Variants in RPTOR observed in about 807,000 individuals in gnomAD.
RPTOR encodes regulatory-associated protein of mTOR.
RPTOR carries 21 observed loss-of-function variants against 169.9 expected under a neutral mutation model. The observed-to-expected ratio is 0.12, with a 90% CI of 0.09 to 0.18. RPTOR has a LOEUF of 0.18. Among genes scored for constraint, RPTOR ranks in the 10% least tolerant of loss-of-function variants. RPTOR has a pLI of 1.00. For synonymous variants in RPTOR, 732 were observed against 753.2 expected, an observed-to-expected ratio of 0.97 and a Z score of 0.46; for missense variants, 1,133 against 1,855.9, an observed-to-expected ratio of 0.61 and a Z score of 7.16.
chr17:80,704,395 A>C (rs113370465), intron 3 of RPTOR, among the ~76,000 whole-genome samples: 1 of 152,250 alleles, frequency 6.6e-6, no homozygotes, highest in African/African-American at 2.4e-5. Flanking sequence ...CCAAGAACAC[A>C]AATAAACAGT....
rs2066658269 is a variant in RPTOR at position 80,754,252 on chromosome 17, T to C, written c.830+67T>C. ...GCTCTCCCGCAGGGACCCCAACCCA[T>C]GTGGGCCCCAGGCATTCACCTGGTC... On this transcript the variant is annotated intron_variant, in intron 6 of 33. Transcript: ENST00000306801. The surrounding 1 kb of genome is among the most constrained non-coding windows in gnomAD (Gnocchi z 4.2). 7 of 1,464,810 alleles carry C rather than the reference T, an allele frequency of 4.8e-6. No individual in the cohort carries two copies. The highest frequency in any genetic ancestry group is 6.4e-6 in the Non-Finnish European group (7 of 1,093,540). The allele number at this position is 1,464,810 out of a possible 1,614,324, so 90.7% of individuals were successfully genotyped here. A position where few individuals can be genotyped will look rare whatever the true frequency, so the allele number is the denominator to read the frequency against.
Position 80,686,621 on chromosome 17 carries a change from G to A in RPTOR, c.349-21220G>A, listed in dbSNP as rs571773095. Among the ~76,000 whole-genome samples the A allele has an allele frequency of 5.9e-5, 9 of 152,070 alleles. No homozygotes were observed. The East Asian group carries it at 9.7e-4, about 16-fold the overall frequency. ...TCTTACTGCATAATTCAGAGTTCTC[G>A]GCAGCGTATCCATCTCTTAGAAAGG... On this transcript the variant is annotated intron_variant, in intron 3 of 33. Coordinates refer to ENST00000306801, the MANE Select transcript of RPTOR (RefSeq NM_020761.3).
intron 5 of RPTOR, among the ~76,000 whole-genome samples, chr17:80,751,697 A>T (rs961933725): frequency 2.0e-5 from 3 of 152,234 alleles, no homozygotes; most frequent in Non-Finnish European, 2.9e-5. Context: ...GGCCTGCCAC[A>T]GTCTGAGTAA....
intron 5 of RPTOR, among the ~76,000 whole-genome samples, chr17:80,752,357 A>T (rs1358361727): frequency 1.3e-5 from 2 of 152,100 alleles, no homozygotes; most frequent in Non-Finnish European, 1.5e-5. Flanking sequence ...GTGTCTGAGG[A>T]CTCTGCATCC....
At chr17:80,858,992 A>T (rs909099056) in intron 13 of RPTOR, among the ~76,000 whole-genome samples, 1 of 152,028 alleles carries the variant, frequency 6.6e-6, no homozygotes, top group Admixed American at 6.6e-5. Context: ...CGGGGTGGAG[A>T]GCATTTTCCT....
chr17:80,875,074 C>T (rs1204776696), intron 13 of RPTOR, among the ~76,000 whole-genome samples: 2 of 152,218 alleles, frequency 1.3e-5, no homozygotes, highest in Non-Finnish European at 2.9e-5. Context: ...CCGTCAGGCA[C>T]GGTGGTCTGT....
chr17:80,606,015 T>C (rs981336101), intron 1 of RPTOR, among the ~76,000 whole-genome samples: 2 of 152,024 alleles, frequency 1.3e-5, no homozygotes, highest in Admixed American at 6.6e-5. Flanking sequence ...CAATAGACTT[T>C]TGTTTTTGTT....
chr17:80,821,988 G>A (rs575498051), intron 7 of RPTOR, among the ~76,000 whole-genome samples: 9 of 152,316 alleles, frequency 5.9e-5, no homozygotes, highest in Admixed American at 1.3e-4. Context: ...GGAGATGTGC[G>A]GGAAGGAGGA....
At chr17:80,737,810 C>A (rs1489706811) in intron 5 of RPTOR, among the ~76,000 whole-genome samples, 1 of 99,200 alleles carries the variant, frequency 1.0e-5, no homozygotes, top group Non-Finnish European at 2.3e-5. Flanking sequence ...TTCTCCCCCG[C>A]CCCCCCGCCA....
chr17:80,704,797 C>T (rs947218411), intron 3 of RPTOR, among the ~76,000 whole-genome samples: 1 of 152,170 alleles, frequency 6.6e-6, no homozygotes, highest in Non-Finnish European at 1.5e-5. Flanking sequence ...CAGTGTTTAC[C>T]ACCACAGAAT....
At chr17:80,795,626 C>T (rs2067093747) in intron 7 of RPTOR, among the ~76,000 whole-genome samples, 1 of 152,028 alleles carries the variant, frequency 6.6e-6, no homozygotes, top group Non-Finnish European at 1.5e-5. Flanking sequence ...TCAAAACACA[C>T]CCTGATTAGG....
intron 6 of RPTOR, among the ~76,000 whole-genome samples, chr17:80,776,700 A>G (rs906112090): frequency 2.6e-5 from 4 of 152,226 alleles, no homozygotes; most frequent in African/African-American, 9.7e-5. Flanking sequence ...GTCATTTTCA[A>G]CACAACATTA....
intron 7 of RPTOR, among the ~76,000 whole-genome samples, chr17:80,814,110 C>T (rs1333499530): frequency 6.6e-6 from 1 of 152,152 alleles, no homozygotes; most frequent in Non-Finnish European, 1.5e-5. Flanking sequence ...CTGTGCACTT[C>T]AACCTGTGTG....
Position 80,845,203 on chromosome 17 carries a change from CT to C in RPTOR, c.1213-1269del, listed in dbSNP as rs1349514341. On this transcript the variant is annotated intron_variant, in intron 10 of 33. Coordinates refer to ENST00000306801, the MANE Select transcript of RPTOR (RefSeq NM_020761.3). The surrounding 1 kb of genome is among the most constrained non-coding windows in gnomAD (Gnocchi z 5.4). ...CTCCATGGCACCCAGGCGAATCCCCCTCCACTCTGTGCCTGCACTCACGTGG... is the reference window on the plus strand; with the variant it reads ...CTCCATGGCACCCAGGCGAATCCCCCCCACTCTGTGCCTGCACTCACGTGG... 6.6e-6 allele frequency among the ~76,000 whole-genome samples: 1 copy of C among 152,162 alleles called. No homozygotes were observed. The highest frequency in any genetic ancestry group is 1.5e-5 in the Non-Finnish European group (1 of 68,024).
intron 28 of RPTOR, among the ~76,000 whole-genome samples, chr17:80,956,957 TC>T (rs1240742270): frequency 6.6e-6 from 1 of 152,246 alleles, no homozygotes; most frequent in African/African-American, 2.4e-5. Context: ...AGACAGATGT[TC>T]CTGGAAGGCT....
At chr17:80,850,629 A>G (rs1282526422) in intron 11 of RPTOR, among the ~76,000 whole-genome samples, 1 of 152,248 alleles carries the variant, frequency 6.6e-6, no homozygotes, top group Non-Finnish European at 1.5e-5. Context: ...GTCACAGATC[A>G]GTGTGAGCAT....
chr17:80,826,984 A>C (rs1343087769), intron 9 of RPTOR, among the ~76,000 whole-genome samples: 4 of 152,188 alleles, frequency 2.6e-5, no homozygotes, highest in Non-Finnish European at 5.9e-5. Flanking sequence ...CGTGAGCATG[A>C]AGGGAGCTTT....
intron 5 of RPTOR, among the ~76,000 whole-genome samples, chr17:80,733,193 A>G (rs1432940221): frequency 6.6e-6 from 1 of 152,198 alleles, no homozygotes; most frequent in East Asian, 1.9e-4. Context: ...GACTTCATCA[A>G]AGCACAGATA....
At chr17:80,699,126 C>T (rs529635483) in intron 3 of RPTOR, among the ~76,000 whole-genome samples, 3 of 152,342 alleles carry the variant, frequency 2.0e-5, no homozygotes, top group Non-Finnish European at 4.4e-5. Context: ...TTAAAATGCC[C>T]TCAAAATAAA....
Sources: allele counts gnomAD v4.1 joint callset (sites outside exome capture counted in the v4.1 genomes callset), GRCh38; gene constraint gnomAD v4.1.1; non-coding constraint Gnocchi (gnomAD v3.1); transcripts MANE v1.5; gene names NCBI Gene and HGNC (gene_info 2026-07-23, HGNC 2026-07-21).